KDM4C: variants seen among roughly 807,000 people sequenced by gnomAD.
KDM4C encodes the protein lysine-specific demethylase 4C.
A neutral mutation model predicts 129.3 loss-of-function variants in KDM4C; 81 were observed. The ratio of observed to expected loss-of-function variants is 0.63; its 90% CI spans 0.52 to 0.75. The LOEUF is 0.75. Ranked by LOEUF, KDM4C falls within the 30% of genes least tolerant of loss-of-function variation. The pLI is 0.00. For synonymous variants in KDM4C, 573 were observed against 456.1 expected (o/e 1.26, Z -3.26); for missense variants, 1,457 against 1,304.0 (o/e 1.12, Z -1.81).
chr9:7,015,754 T>C (rs1823540854), intron 14 of KDM4C, 99 bp from the exon 15 acceptor site: 3 of 746,924 alleles, frequency 4.0e-6, no homozygotes, highest in Non-Finnish European at 6.9e-6. Flanking sequence ...GACAGTATGG[T>C]AGGCTAGTGT....
intron 1 of KDM4C, among the ~76,000 whole-genome samples, chr9:6,781,042 G>A (rs1366242854): frequency 6.6e-6 from 1 of 152,056 alleles, no homozygotes. Flanking sequence ...AGTAGCTGCT[G>A]TAGCCCCTCA....
At chr9:7,121,365 G>C (rs1009527485) in intron 18 of KDM4C, among the ~76,000 whole-genome samples, 4 of 152,168 alleles carry the variant, frequency 2.6e-5, no homozygotes, top group African/African-American at 9.7e-5. Flanking sequence ...ACACCCCAGA[G>C]TCTGAGGTTC....
intron 5 of KDM4C, among the ~76,000 whole-genome samples, chr9:6,851,224 C>T (rs929389369): frequency 6.6e-6 from 1 of 152,180 alleles, no homozygotes; most frequent in African/African-American, 2.4e-5. Flanking sequence ...AGTGATCCTG[C>T]TGCCTCAACC....
intron 15 of KDM4C, among the ~76,000 whole-genome samples, chr9:7,045,285 T>C (rs1587209058): frequency 1.3e-5 from 2 of 152,126 alleles, no homozygotes; most frequent in Admixed American, 6.5e-5. Flanking sequence ...TAATCAGACA[T>C]CTAATTCTCT....
rs752206671 is a variant in KDM4C, at chr9:6,981,103, G to C, written c.1100G>C (p.Arg367Thr). The stretch of plus-strand genomic sequence containing the variant: ...TGGCTGCAGAGGAGGAGGAAAGTAA[G>C]AAAAGCATCCCGAAGGTAATGACCC... ...KAWLQRRRKVRKASRSFQCAR... is the reference protein window; with the variant it reads ...KAWLQRRRKVTKASRSFQCAR... The change falls in exon 9 of 22, where the codon AGA becomes ACA. Residue 367 changes from arginine (R) to threonine (T), a missense_variant. By Grantham distance (71) the Arg-to-Thr change is moderately conservative. Transcript: ENST00000381309. The C allele has an allele frequency of 6.2e-7, 1 of 1,611,584 alleles. No homozygotes were observed. The highest frequency in any genetic ancestry group is 8.5e-7 in the Non-Finnish European group (1 of 1,179,044).
intron 15 of KDM4C, among the ~76,000 whole-genome samples, chr9:7,027,468 A>T (rs1201417889): frequency 1.3e-5 from 2 of 152,062 alleles, no homozygotes; most frequent in African/African-American, 4.8e-5. Context: ...AGCCATGTGG[A>T]GCTGTAGGTA....
intron 19 of KDM4C, among the ~76,000 whole-genome samples, chr9:7,144,553 C>T (rs1842047015): frequency 6.6e-6 from 1 of 152,230 alleles, no homozygotes; most frequent in Non-Finnish European, 1.5e-5. Flanking sequence ...GGTCTCTTCC[C>T]ATTCTCGTAG....
Position 6,976,752 on chromosome 9 carries a change from C to G in KDM4C, c.922-4173C>G, listed in dbSNP as rs181289112. On this transcript the variant is annotated intron_variant, in intron 8 of 21. Coordinates refer to ENST00000381309, the MANE Select transcript of KDM4C (RefSeq NM_015061.6). ...ATTTAAAAATTTAGGGTGTTTAAAA[C>G]TAACTTTTGCTTTTTAAATTATCCA... 7.9e-5 allele frequency among the ~76,000 whole-genome samples: 12 copies of G among 151,842 alleles called. No homozygotes were observed. The East Asian group carries it at 1.2e-3, about 15-fold the overall frequency.
At chr9:6,965,462 A>G (rs1012166981) in intron 8 of KDM4C, among the ~76,000 whole-genome samples, 1 of 152,198 alleles carries the variant, frequency 6.6e-6, no homozygotes, top group Non-Finnish European at 1.5e-5. Flanking sequence ...CAGACTAACA[A>G]TACCAGCAGG....
At chr9:6,755,477 G>A (rs1588072155), upstream of KDM4C, among the ~76,000 whole-genome samples, 1 of 152,060 alleles carries the variant, frequency 6.6e-6, no homozygotes. Context: ...GAACCCGGGA[G>A]GTCAAGGCTG....
chr9:7,071,515 G>A (rs577160889), intron 17 of KDM4C, among the ~76,000 whole-genome samples: 1 of 152,216 alleles, frequency 6.6e-6, no homozygotes, highest in Admixed American at 6.5e-5. Context: ...TTCAGTAAAA[G>A]TTCCAAGGCA....
Position 7,008,859 on chromosome 9 carries a change from C to T in KDM4C, c.1787-2839C>T, listed in dbSNP as rs545297469. Among the ~76,000 whole-genome samples the T allele has an allele frequency of 3.3e-5, 5 of 152,262 alleles. No individual in the cohort carries two copies. In the South Asian group the frequency reaches 1.0e-3, roughly 32 times the overall value. ...CCCTTGGACCATGCCAGATGGCCTG[C>T]CTAGAAAATTTGGATGGACTGACTG... On this transcript the variant is annotated intron_variant, in intron 12 of 21. Coordinates refer to ENST00000381309, the MANE Select transcript of KDM4C (RefSeq NM_015061.6).
At chr9:6,858,305 A>G (rs758924588) in intron 5 of KDM4C, among the ~76,000 whole-genome samples, 9 of 152,028 alleles carry the variant, frequency 5.9e-5, no homozygotes, top group Non-Finnish European at 8.8e-5. Context: ...TCCCCTTAGG[A>G]TGCTTGCTGA....
intron 17 of KDM4C, among the ~76,000 whole-genome samples, chr9:7,091,308 A>T (rs892833703): frequency 1.7e-5 from 2 of 119,688 alleles, no homozygotes; most frequent in Admixed American, 8.8e-5. Flanking sequence ...CTGGATAAAC[A>T]TAGGCAATAA....
At chr9:6,880,121 TC>T in intron 6 of KDM4C, 60 bp downstream of exon 6, 1 of 1,133,660 alleles carries the variant, frequency 8.8e-7, no homozygotes, top group Admixed American at 2.2e-5. Context: ...TTTTGTAGGT[TC>T]TTTGTTTTTG....
chr9:6,959,232 A>G (rs954207553), intron 8 of KDM4C, among the ~76,000 whole-genome samples: 12 of 152,156 alleles, frequency 7.9e-5, no homozygotes, highest in African/African-American at 2.9e-4. Flanking sequence ...CGTCTGTTTG[A>G]AATCCCCATG....
chr9:7,028,925 G>A (rs548340172), intron 15 of KDM4C, among the ~76,000 whole-genome samples: 2 of 152,138 alleles, frequency 1.3e-5, no homozygotes, highest in South Asian at 2.1e-4. Context: ...AGGGAGGGGC[G>A]GCGTTGGTGA....
intron 18 of KDM4C, among the ~76,000 whole-genome samples, chr9:7,122,652 A>G (rs942529984): frequency 1.3e-5 from 2 of 152,216 alleles, no homozygotes; most frequent in African/African-American, 4.8e-5. Context: ...TAGATGTGTT[A>G]TCGTTCCTAG....
chr9:7,037,103 C>T (rs1320960610), intron 15 of KDM4C, among the ~76,000 whole-genome samples: 4 of 152,178 alleles, frequency 2.6e-5, no homozygotes, highest in African/African-American at 9.7e-5. Context: ...TCTCCCATGT[C>T]TTGCTGATCA....
Sources: allele counts gnomAD v4.1 joint callset (sites outside exome capture counted in the v4.1 genomes callset), GRCh38; gene constraint gnomAD v4.1.1; transcripts MANE v1.5; gene names NCBI Gene and HGNC (gene_info 2026-07-23, HGNC 2026-07-21).